Variants in TRIM67 observed in about 807,000 individuals in gnomAD.
The protein encoded by TRIM67 is tripartite motif containing 67.
TRIM67 carries 39 observed loss-of-function variants against 71.0 expected under a neutral mutation model. That is an observed-to-expected ratio of 0.55 (90% CI 0.43 to 0.72). TRIM67 has a LOEUF of 0.72. TRIM67 is among the 30% of genes least tolerant of loss of function. The pLI, the probability that TRIM67 is intolerant of heterozygous loss-of-function variation, is 0.00. For missense variants in TRIM67, 973 were observed against 1,079.2 expected, an observed-to-expected ratio of 0.90 and a Z score of 1.38; for synonymous variants, 481 against 473.9, an observed-to-expected ratio of 1.01 and a Z score of -0.19.
rs753826587 is a variant in TRIM67 at position 231,200,197 on chromosome 1, C to A, written c.1313C>A (p.Thr438Asn). ...TGCACATTGAAGCTGCGTCAGTCCA[C>A]CGGACTGATGGAGTACTGCCTGGAG... ...NHCTLKLRQS[T>N]GLMEYCLEVI... Residue 438 changes from threonine (T) to asparagine (N), a missense_variant, in exon 4 of 10, where the codon ACC becomes AAC. This residue lies in a region of TRIM67 where 795 missense variants were observed against 831.3 expected (regional missense o/e 0.96). Transcript: ENST00000366653. 6.2e-7 allele frequency: 1 copy of A among 1,613,770 alleles called. No homozygotes were observed. Among genetic ancestry groups the A allele is most frequent in the African/African-American group, 1.3e-5 (1 of 74,924 alleles).
At position 231,217,611 on chromosome 1, in the gene TRIM67, C is replaced by A; in HGVS notation, c.*2171C>A. 8.9e-7 allele frequency: 1 copy of A among 1,121,446 alleles called. No homozygotes were observed. The highest frequency in any genetic ancestry group is 1.1e-6 in the Non-Finnish European group (1 of 903,496). The allele number at this position is 1,121,446 out of a possible 1,614,324, so 69.5% of individuals were successfully genotyped here. Reference sequence around the variant, plus strand: ...TCTGAAAAAAAAACAGGCCTACACCCTGCCCCCAGAATGAGAGTGGGCTAG... The same window carrying A: ...TCTGAAAAAAAAACAGGCCTACACCATGCCCCCAGAATGAGAGTGGGCTAG... On this transcript the variant is annotated 3_prime_UTR_variant, in exon 10 of 10. Transcript: ENST00000366653.
At chr1:231,184,809 T>G in intron 1 of TRIM67, 1 of 584,186 alleles carries the variant, frequency 1.7e-6, no homozygotes, top group East Asian at 2.9e-5. Context: ...ATGCACACCA[T>G]CATTAAACCT....
chr1:231,193,981 A>G (rs1234616187), intron 1 of TRIM67, among the ~76,000 whole-genome samples: 1 of 152,236 alleles, frequency 6.6e-6, no homozygotes, highest in Admixed American at 6.5e-5. Flanking sequence ...AATGTGGCCA[A>G]AAATACTATA....
chr1:231,200,989 G>T lies in TRIM67; in HGVS notation c.1375-369G>T, dbSNP rs143742181. Among the ~76,000 whole-genome samples, 18 of 152,030 alleles carry T rather than the reference G, an allele frequency of 1.2e-4. No individual in the cohort carries two copies. In the East Asian group the frequency reaches 3.5e-3, roughly 29 times the overall value. Reference sequence around the variant, plus strand: ...GGAATATGCTTTCTTTAGACACTGGGGCAAACTGCTAGTATGCTTCACTTT... The same window carrying T: ...GGAATATGCTTTCTTTAGACACTGGTGCAAACTGCTAGTATGCTTCACTTT... On this transcript the variant is annotated intron_variant, in intron 4 of 9. Coordinates refer to ENST00000366653, the MANE Select transcript of TRIM67 (RefSeq NM_001004342.5).
chr1:231,218,115 TTG>T lies in TRIM67; in HGVS notation c.*2679_*2680del. On this transcript the variant is annotated 3_prime_UTR_variant, in exon 10 of 10. Transcript: ENST00000366653. Reference sequence around the variant, plus strand: ...AGAACGACAGGTCCGTGCCACACACTTGTGTTTTTGAGGGATCAGAAAAGTGA... The same window carrying T: ...AGAACGACAGGTCCGTGCCACACACTTGTTTTTGAGGGATCAGAAAAGTGA... 9.5e-7 allele frequency: 1 copy of T among 1,054,986 alleles called. No homozygotes were observed. Among genetic ancestry groups the T allele is most frequent in the Non-Finnish European group, 1.2e-6 (1 of 867,552 alleles). The allele number at this position is 1,054,986 out of a possible 1,614,324, so 65.4% of individuals were successfully genotyped here.
intron 1 of TRIM67, chr1:231,187,459 G>T (rs1466472073): frequency 7.4e-7 from 1 of 1,356,370 alleles, no homozygotes; most frequent in Non-Finnish European, 9.9e-7. Context: ...ACAGATGAGG[G>T]CATTTTTAAC....
chr1:231,216,255 C>T lies in TRIM67; in HGVS notation c.*815C>T, dbSNP rs1684011008. On this transcript the variant is annotated 3_prime_UTR_variant, in exon 10 of 10. Transcript: ENST00000366653. ...TCCTCCATCCCTGCCTCTTTCTTCCCTCTTTCGCTCTCTTTCCCTCCCTCC... is the reference window on the plus strand; with the variant it reads ...TCCTCCATCCCTGCCTCTTTCTTCCTTCTTTCGCTCTCTTTCCCTCCCTCC... 3.1e-6 allele frequency: 3 copies of T among 977,342 alleles called. No homozygotes were observed. Among genetic ancestry groups the T allele is most frequent in the East Asian group, 2.3e-4 (2 of 8,722 alleles). The allele number at this position is 977,342 out of a possible 1,614,324, so 60.5% of individuals were successfully genotyped here.
intron 6 of TRIM67, among the ~76,000 whole-genome samples, chr1:231,204,504 T>C (rs1284803838): frequency 6.6e-6 from 1 of 152,172 alleles, no homozygotes; most frequent in Non-Finnish European, 1.5e-5. Context: ...TCCCTGCTGA[T>C]AGACTATCAT....
chr1:231,179,738 G>A (rs114080811), intron 1 of TRIM67, among the ~76,000 whole-genome samples: 2 of 152,338 alleles, frequency 1.3e-5, no homozygotes, highest in African/African-American at 4.8e-5. Context: ...AGTAGGTTAA[G>A]CCCATTGTTT....
rs755519708 is a variant in TRIM67, at chr1:231,208,921, G to C, written c.1820-26G>C. ...CTAGCAAATTCCATCCCCTGACCCT[G>C]CTCCTCTCACCTCCTCCCTTTTTAG... On this transcript the variant is annotated intron_variant, in intron 7 of 9. Transcript: ENST00000366653. 23 of 1,545,518 alleles carry C rather than the reference G, an allele frequency of 1.5e-5. No individual in the cohort carries two copies. In the Middle Eastern group the frequency reaches 5.2e-4, roughly 35 times the overall value.
chr1:231,182,474 G>T (rs1051554027), intron 1 of TRIM67, among the ~76,000 whole-genome samples: 4 of 152,090 alleles, frequency 2.6e-5, no homozygotes, highest in African/African-American at 9.7e-5. Context: ...GTTGGCACAG[G>T]GACCCAGAAA....
At chr1:231,186,716 G>C (rs1294870881) in intron 1 of TRIM67, among the ~76,000 whole-genome samples, 1 of 152,110 alleles carries the variant, frequency 6.6e-6, no homozygotes, top group Non-Finnish European at 1.5e-5. Context: ...TGAGGTGCTG[G>C]GGGTTAGGAC....
At chr1:231,208,115 T>C (rs1360845629) in intron 7 of TRIM67, among the ~76,000 whole-genome samples, 1 of 151,832 alleles carries the variant, frequency 6.6e-6, no homozygotes, top group African/African-American at 2.4e-5. Context: ...TTCAAGTGAT[T>C]GTCCTGCCTC....
intron 6 of TRIM67, among the ~76,000 whole-genome samples, chr1:231,205,473 C>T (rs1683668724): frequency 6.6e-6 from 1 of 152,118 alleles, no homozygotes; most frequent in Non-Finnish European, 1.5e-5. Context: ...CACCCGTAAT[C>T]CCAGCACTTT....
chr1:231,198,048 G>C (rs1202114957), intron 2 of TRIM67, among the ~76,000 whole-genome samples: 1 of 152,190 alleles, frequency 6.6e-6, no homozygotes, highest in Non-Finnish European at 1.5e-5. Flanking sequence ...GAGCCAATTA[G>C]AGAGAGCTGG....
chr1:231,182,247 T>A (rs1345554983), intron 1 of TRIM67, among the ~76,000 whole-genome samples: 2 of 152,044 alleles, frequency 1.3e-5, no homozygotes, highest in Non-Finnish European at 2.9e-5. Flanking sequence ...CACGCAAAGA[T>A]GAAACAAGCA....
rs751077916 is a variant in TRIM67, at chr1:231,201,535, C to G, written c.1534+18C>G. 1.2e-6 allele frequency: 2 copies of G among 1,610,620 alleles called. No homozygotes were observed. Among genetic ancestry groups the G allele is most frequent in the South Asian group, 2.2e-5 (2 of 90,448 alleles). On this transcript the variant is annotated intron_variant, in intron 5 of 9. Coordinates refer to ENST00000366653, the MANE Select transcript of TRIM67 (RefSeq NM_001004342.5). Reference sequence around the variant, plus strand: ...ATGTAGGGGTGAGCCGCGGTTGGCCCCAGTTCAGTCAGTGCTTCTTTCAAA... The same window carrying G: ...ATGTAGGGGTGAGCCGCGGTTGGCCGCAGTTCAGTCAGTGCTTCTTTCAAA...
chr1:231,206,908 C>G, intron 7 of TRIM67, 118 bp downstream of exon 7: 1 of 1,149,880 alleles, frequency 8.7e-7, no homozygotes, highest in Non-Finnish European at 1.2e-6. Context: ...GTGCTGGGCA[C>G]GGCTGGGTTC....
chr1:231,203,227 ACTT>A (rs564967397), intron 5 of TRIM67, among the ~76,000 whole-genome samples: 1 of 152,298 alleles, frequency 6.6e-6, no homozygotes, highest in Admixed American at 6.5e-5. Flanking sequence ...AAATTTGTAA[ACTT>A]CTCCCACTCT....
Sources: gnomAD v4.1 joint callset for allele counts (sites outside exome capture counted in the v4.1 genomes callset) on GRCh38, gnomAD v4.1.1 for gene constraint, gnomAD v4.1.1 regional missense constraint, MANE v1.5 for transcripts, NCBI Gene and HGNC (gene_info 2026-07-23, HGNC 2026-07-21) for gene names.